Variants in ODAD2 observed in about 807,000 individuals in gnomAD.
ODAD2 encodes the protein outer dynein arm-docking complex subunit 2.
A neutral mutation model predicts 106.8 loss-of-function variants in ODAD2; 89 were observed. The observed-to-expected ratio is 0.83, with a 90% confidence interval of 0.70 to 0.99. ODAD2 has a LOEUF of 0.99. ODAD2 is among the 50% of genes least tolerant of loss of function. The pLI, the probability that ODAD2 is intolerant of heterozygous loss-of-function variation, is 0.00. For missense variants in ODAD2, 1,168 were observed against 1,238.5 expected (o/e 0.94, Z 0.85); for synonymous variants, 404 against 436.2 (o/e 0.93, Z 0.92).
chr10:27,882,169 AAAAAAAAGAAAG>A lies in ODAD2; in HGVS notation c.2611-19559_2611-19548del, dbSNP rs1477611229. 2.0e-3 allele frequency among the ~76,000 whole-genome samples: 175 copies of A among 88,340 alleles called. 2 individuals carry two copies. The highest frequency in any genetic ancestry group is 0.011 in the Middle Eastern group (2 of 186). The allele number at this position is 88,340 out of a possible 152,430, so 58.0% of individuals were successfully genotyped here. A position where few individuals can be genotyped will look rare whatever the true frequency, so the allele number is the denominator to read the frequency against. ...GGTGACAGAGTGAGACCTTGTCATA[AAAAAAAAGAAAG>A]AAAGAAAGAAAGAAAGAAAGAAAGA... On this transcript the variant is annotated intron_variant, in intron 17 of 19. Transcript: ENST00000305242.
At chr10:27,853,811 A>G (rs1839462659) in intron 19 of ODAD2, among the ~76,000 whole-genome samples, 1 of 152,222 alleles carries the variant, frequency 6.6e-6, no homozygotes, top group African/African-American at 2.4e-5. Flanking sequence ...ACTTCAGAAG[A>G]AAGCATGAAA....
chr10:27,957,385 C>G (rs1386338103), intron 10 of ODAD2: 1 of 152,158 alleles, frequency 6.6e-6, no homozygotes, highest in Admixed American at 6.5e-5. Context: ...GGTAGGGAGG[C>G]GAGCCTGTGC....
intron 9 of ODAD2, among the ~76,000 whole-genome samples, chr10:27,966,193 C>T (rs1848477214): frequency 6.6e-6 from 1 of 152,124 alleles, no homozygotes; most frequent in Admixed American, 6.6e-5. Context: ...GCTCTCTGGA[C>T]CCTGGAAGAG....
chr10:27,836,774 A>C (rs1837923238), intron 19 of ODAD2, among the ~76,000 whole-genome samples: 1 of 152,214 alleles, frequency 6.6e-6, no homozygotes, highest in African/African-American at 2.4e-5. Context: ...TAATTATAAT[A>C]ATTACTATCA....
At chr10:27,947,917 A>G (rs9299594) in intron 10 of ODAD2, among the ~76,000 whole-genome samples, 6,942 of 152,302 alleles carry the variant, frequency 0.046, 223 homozygotes, top group Non-Finnish European at 0.071. Context: ...CTTTGGTAGC[A>G]ATTTTCGAGC....
intron 1 of ODAD2, among the ~76,000 whole-genome samples, chr10:27,996,517 T>C (rs998249769): frequency 4.6e-5 from 7 of 152,270 alleles, no homozygotes; most frequent in African/African-American, 1.7e-4. Flanking sequence ...TGCAGGATAG[T>C]ACCTCAGAAG....
intron 1 of ODAD2, chr10:27,995,666 C>T (rs1850517593): frequency 6.5e-6 from 1 of 153,442 alleles, no homozygotes; most frequent in African/African-American, 2.4e-5. Context: ...ATATCTGCAT[C>T]ATCACAATGA....
intron 16 of ODAD2, among the ~76,000 whole-genome samples, chr10:27,910,880 G>GGT (rs1244168075): frequency 2.0e-5 from 3 of 152,108 alleles, no homozygotes; most frequent in African/African-American, 7.2e-5. Context: ...CCCTTCCTAG[G>GGT]GTATATATAA....
At chr10:27,927,439 G>T (rs1002460748) in intron 16 of ODAD2, among the ~76,000 whole-genome samples, 2 of 152,144 alleles carry the variant, frequency 1.3e-5, no homozygotes, top group Non-Finnish European at 2.9e-5. Context: ...GCTCAAAGAT[G>T]CAGTAGGTCC....
chr10:27,867,445 C>T (rs2152018), intron 17 of ODAD2, among the ~76,000 whole-genome samples: 3 of 151,908 alleles, frequency 2.0e-5, no homozygotes, highest in Admixed American at 6.6e-5. Flanking sequence ...AGAAACTACA[C>T]GGAATAGCAT....
chr10:27,895,302 A>G (rs1257328229), intron 17 of ODAD2, among the ~76,000 whole-genome samples: 1 of 152,116 alleles, frequency 6.6e-6, no homozygotes, highest in Non-Finnish European at 1.5e-5. Flanking sequence ...ATACTTTTAT[A>G]TTTTTATTTC....
chr10:27,823,193 G>A (rs1019806882), intron 19 of ODAD2, among the ~76,000 whole-genome samples: 7 of 151,982 alleles, frequency 4.6e-5, no homozygotes, highest in South Asian at 4.2e-4. Context: ...AGTTGCTCTT[G>A]GATTTTTATT....
intron 17 of ODAD2, among the ~76,000 whole-genome samples, chr10:27,896,228 T>C (rs1186826931): frequency 6.6e-6 from 1 of 152,236 alleles, no homozygotes; most frequent in Non-Finnish European, 1.5e-5. Context: ...GTTAATTCAA[T>C]AAATGGAAAT....
intron 19 of ODAD2, among the ~76,000 whole-genome samples, chr10:27,846,282 C>T (rs2133169854): frequency 6.6e-6 from 1 of 152,112 alleles, no homozygotes; most frequent in Admixed American, 6.5e-5. Flanking sequence ...CTCAAAACCG[C>T]TCAACTACAT....
Position 27,987,558 on chromosome 10 carries a change from T to TA in ODAD2, c.225-16dup. ...CTGTTGTTTCACTAAAAAATAAAAA[T>TA]AAAAAATTGAAAGCTTCATGCTACC... On this transcript the variant is annotated splice_polypyrimidine_tract_variant and intron_variant, in intron 2 of 19. Transcript: ENST00000305242. The TA allele has an allele frequency of 6.3e-7, 1 of 1,592,176 alleles. No homozygotes were observed. The highest frequency in any genetic ancestry group is 8.5e-7 in the Non-Finnish European group (1 of 1,169,864).
intron 16 of ODAD2, among the ~76,000 whole-genome samples, chr10:27,919,937 A>G (rs1386392816): frequency 6.6e-6 from 1 of 152,170 alleles, no homozygotes; most frequent in East Asian, 1.9e-4. Flanking sequence ...AAGTGTAAAA[A>G]TAACCCGTAA....
At chr10:27,830,405 T>G (rs990672401) in intron 19 of ODAD2, among the ~76,000 whole-genome samples, 4 of 152,196 alleles carry the variant, frequency 2.6e-5, no homozygotes, top group African/African-American at 4.8e-5. Flanking sequence ...AACTCGATAC[T>G]TGGAAGAACA....
At chr10:27,980,982 T>A (rs781343344) in intron 7 of ODAD2, among the ~76,000 whole-genome samples, 2 of 152,088 alleles carry the variant, frequency 1.3e-5, no homozygotes, top group African/African-American at 2.4e-5. Context: ...AAACAAAATA[T>A]TATTCTACCA....
chr10:27,861,454 G>A (rs542081802), intron 18 of ODAD2, among the ~76,000 whole-genome samples: 2 of 152,274 alleles, frequency 1.3e-5, no homozygotes, highest in South Asian at 2.1e-4. Context: ...ACTACACAAC[G>A]CAAAATTACA....
Sources: allele counts gnomAD v4.1 joint callset (sites outside exome capture counted in the v4.1 genomes callset), GRCh38; gene constraint gnomAD v4.1.1; transcripts MANE v1.5; gene names NCBI Gene and HGNC (gene_info 2026-07-23, HGNC 2026-07-21).